NT5C3B: variants seen among roughly 807,000 people sequenced by gnomAD.
NT5C3B encodes 7-methylguanosine phosphate-specific 5'-nucleotidase.
NT5C3B carries 28 observed loss-of-function variants against 32.5 expected under a neutral mutation model. The observed-to-expected ratio is 0.86, with a 90% CI of 0.64 to 1.18. NT5C3B has a LOEUF of 1.18. Among genes scored for constraint, NT5C3B ranks in the 50% most tolerant of loss-of-function variants. The pLI is 0.00. For missense variants in NT5C3B, 317 were observed against 322.0 expected (o/e 0.98, Z 0.12); for synonymous variants, 138 against 118.0 (o/e 1.17, Z -1.10).
intron 6 of NT5C3B, 97 bp from the exon 7 acceptor site, chr17:41,829,049 T>A (rs2048010265): frequency 9.3e-7 from 1 of 1,073,794 alleles, no homozygotes; most frequent in South Asian, 1.5e-5. Flanking sequence ...TGAGACAGGG[T>A]CTTGCTCTGT....
Position 41,835,106 on chromosome 17 carries a change from A to G in NT5C3B, c.192T>C (p.Asp64=), listed in dbSNP as rs782704618. The change falls in exon 4 of 9, where the codon GAT becomes GAC. Residue 64 remains aspartate, a synonymous_variant. Transcript: ENST00000435506. ...ACTCCTCACTGATGATCTTGCTATTATCCAGAATATCTGGAAAAAGAGAAA... is the reference window on the plus strand; with the variant it reads ...ACTCCTCACTGATGATCTTGCTATTGTCCAGAATATCTGGAAAAAGAGAAA... The part of the protein sequence containing the change: ...KRCPSSYNIL[D]NSKIISEECR... 8.9e-5 allele frequency: 144 copies of G among 1,614,018 alleles called. No individual in the cohort carries two copies. The highest frequency in any genetic ancestry group is 1.1e-4 in the Non-Finnish European group (133 of 1,179,976).
At chr17:41,827,025 A>C (rs2047978133) in intron 8 of NT5C3B, among the ~76,000 whole-genome samples, 1 of 150,360 alleles carries the variant, frequency 6.7e-6, no homozygotes. Context: ...AAGAAAAAAA[A>C]GCTGGGTGCA....
In NT5C3B at chr17:41,833,189, C is replaced by G. The variant is rs565427145; in HGVS notation, c.229-712G>C. 1.7e-4 allele frequency among the ~76,000 whole-genome samples: 26 copies of G among 152,262 alleles called. No individual in the cohort carries two copies. In the East Asian group the frequency reaches 3.7e-3, roughly 21 times the overall value. ...ATTAGCTCAATTTTCAGGGCTTAAC[C>G]AGTAAGAACTTACTTAATGCTGTGT... On this transcript the variant is annotated intron_variant, in intron 4 of 8. Coordinates refer to ENST00000435506, the MANE Select transcript of NT5C3B (RefSeq NM_052935.5).
intron 5 of NT5C3B, among the ~76,000 whole-genome samples, 160 bp downstream of exon 5, chr17:41,832,232 A>T (rs2048063261): frequency 1.3e-5 from 2 of 152,174 alleles, no homozygotes; most frequent in African/African-American, 4.8e-5. Flanking sequence ...CCCTGGGTTC[A>T]TCTGAAAAGT....
chr17:41,829,467 G>A (rs956488991), intron 6 of NT5C3B, among the ~76,000 whole-genome samples: 1 of 152,212 alleles, frequency 6.6e-6, no homozygotes, highest in African/African-American at 2.4e-5. Flanking sequence ...ATACACCCAT[G>A]TAACTAACTA....
chr17:41,827,141 C>A (rs1210752743), intron 8 of NT5C3B, among the ~76,000 whole-genome samples: 3 of 151,652 alleles, frequency 2.0e-5, no homozygotes, highest in Non-Finnish European at 4.4e-5. Flanking sequence ...CCCGTCTCTA[C>A]TAAAAATACA....
At position 41,828,947 on chromosome 17, in the gene NT5C3B, C is replaced by A; in HGVS notation, c.410G>T (p.Gly137Val). 6.2e-7 allele frequency: 1 copy of A among 1,606,962 alleles called. No homozygotes were observed. The highest frequency in any genetic ancestry group is 1.1e-5 in the South Asian group (1 of 90,640). Reference sequence around the variant, plus strand: ...GAGTGTGTTGAAGAAGGTCTTATATCCCTCCCTGAAAAGAGATGGAGGAAT... The same window carrying A: ...GAGTGTGTTGAAGAAGGTCTTATATACCTCCCTGAAAAGAGATGGAGGAAT... ...VRESNAMLREGYKTFFNTLYH... is the reference protein window; with the variant it reads ...VRESNAMLREVYKTFFNTLYH... The change falls in exon 7 of 9, where the codon GGA (glycine) becomes GTA (valine). Residue 137 changes from glycine (G) to valine (V), a missense_variant. Physicochemically the swap from Gly to Val is moderately radical, Grantham distance 109. Coordinates refer to ENST00000435506, the MANE Select transcript of NT5C3B (RefSeq NM_052935.5).
Position 41,825,399 on chromosome 17 carries a change from G to C in NT5C3B, c.*124C>G. The C allele has an allele frequency of 1.5e-6, 1 of 675,244 alleles. No individual in the cohort carries two copies. Among genetic ancestry groups the C allele is most frequent in the Non-Finnish European group, 2.5e-6 (1 of 401,440 alleles). The allele number at this position is 675,244 out of a possible 1,614,324, so 41.8% of individuals were successfully genotyped here. ...AGGTGCTCAGGGAAAGGAGGACGGA[G>C]GGGCGCGGAAGGACCCAGCCACTGC... On this transcript the variant is annotated 3_prime_UTR_variant, in exon 9 of 9. Coordinates refer to ENST00000435506, the MANE Select transcript of NT5C3B (RefSeq NM_052935.5).
rs782799514 is a variant in NT5C3B at position 41,827,600 on chromosome 17, C to T, written c.594G>A (p.Gln198=). ...TGTTCTTGTTGTATGTGTGTATGAG[C>T]TGGCCCTTAAATCCCTGGAGAAAAC... ...EDGFLQGFKG[Q]LIHTYNKNSS... The change falls in exon 8 of 9, where the codon CAG becomes CAA. Residue 198 remains glutamine, a synonymous_variant. Coordinates refer to ENST00000435506, the MANE Select transcript of NT5C3B (RefSeq NM_052935.5). The T allele has an allele frequency of 2.3e-6, 2 of 863,224 alleles. No homozygotes were observed. The highest frequency in any genetic ancestry group is 4.1e-6 in the Non-Finnish European group (2 of 492,834). The allele number at this position is 863,224 out of a possible 1,614,324, so 53.5% of individuals were successfully genotyped here.
At chr17:41,836,113 G>C (rs1555619985) in intron 1 of NT5C3B, 69 bp downstream of exon 1, 2 of 1,333,572 alleles carry the variant, frequency 1.5e-6, no homozygotes, top group Admixed American at 4.0e-5. Flanking sequence ...TGACCAGCTG[G>C]GGGGCTCGAA....
At chr17:41,832,551 A>C (rs1033929839) in intron 4 of NT5C3B, 74 bp from the exon 5 acceptor site, 14 of 1,405,960 alleles carry the variant, frequency 1.0e-5, no homozygotes, top group Non-Finnish European at 1.2e-5. Flanking sequence ...ACAGCTTAGT[A>C]TGAGAAAAAA....
At chr17:41,835,744 C>T (rs1213513781) in intron 2 of NT5C3B, 115 bp downstream of exon 2, 1 of 1,101,058 alleles carries the variant, frequency 9.1e-7, no homozygotes, top group Non-Finnish European at 1.3e-6. Flanking sequence ...CCGGCCATTT[C>T]TTGGGGCAGA....
In NT5C3B at chr17:41,835,964, C is replaced by G; in HGVS notation, c.13-7G>C. The G allele has an allele frequency of 6.4e-7, 1 of 1,572,450 alleles. No individual in the cohort carries two copies. The highest frequency in any genetic ancestry group is 8.6e-7 in the Non-Finnish European group (1 of 1,159,062). The stretch of plus-strand genomic sequence containing the variant: ...CCTTCATCAGGGTGCTCACCTGTCC[C>G]GAGACCCGAGAGAACCACTGACCCC... On this transcript the variant is annotated splice_polypyrimidine_tract_variant and splice_region_variant and intron_variant, in intron 1 of 8. Transcript: ENST00000435506.
chr17:41,833,552 A>G (rs1206434108), intron 4 of NT5C3B, among the ~76,000 whole-genome samples: 1 of 152,156 alleles, frequency 6.6e-6, no homozygotes, highest in Admixed American at 6.6e-5. Flanking sequence ...TCCTGACCTC[A>G]ACCGATCTGC....
At chr17:41,832,767 C>T in intron 4 of NT5C3B, 1 of 219,038 alleles carries the variant, frequency 4.6e-6, no homozygotes, top group Non-Finnish European at 9.3e-6. Context: ...ACTCAGGAGG[C>T]TGAAAAATGA....
chr17:41,832,345 A>C, intron 5 of NT5C3B, 47 bp downstream of exon 5: 89 of 1,463,162 alleles, frequency 6.1e-5, no homozygotes, highest in Non-Finnish European at 7.4e-5. Flanking sequence ...CTCCCAGCCT[A>C]CTCCATCTCA....
chr17:41,834,391 A>T (rs368837578), intron 4 of NT5C3B, among the ~76,000 whole-genome samples: 41 of 39,270 alleles, frequency 1.0e-3, no homozygotes, highest in Middle Eastern at 0.012. Context: ...CAAAAAAAAA[A>T]ATACACACAC....
At chr17:41,825,712 A>T (rs1338287322) in intron 8 of NT5C3B, 55 bp from the exon 9 acceptor site, 5 of 867,376 alleles carry the variant, frequency 5.8e-6, no homozygotes, top group Non-Finnish European at 1.0e-5. Flanking sequence ...TGCCCTCCGT[A>T]GCTCACTCTC....
At chr17:41,830,485 G>C (rs2048033472) in intron 6 of NT5C3B, among the ~76,000 whole-genome samples, 1 of 152,180 alleles carries the variant, frequency 6.6e-6, no homozygotes, top group Non-Finnish European at 1.5e-5. Flanking sequence ...CTCCAGCCTG[G>C]CGACAGAGCG....
Sources: gnomAD v4.1 joint callset for allele counts (sites outside exome capture counted in the v4.1 genomes callset) on GRCh38, gnomAD v4.1.1 for gene constraint, MANE v1.5 for transcripts, NCBI Gene and HGNC (gene_info 2026-07-23, HGNC 2026-07-21) for gene names.